Variants in PTP4A1 observed in about 807,000 individuals in gnomAD.
PTP4A1 encodes protein tyrosine phosphatase type IVA 1.
In PTP4A1, 9 loss-of-function variants were observed where a neutral mutation model predicts 20.5. That is an observed-to-expected ratio of 0.44 (90% CI 0.26 to 0.77). PTP4A1 has a LOEUF of 0.77. PTP4A1 is among the 30% of genes least tolerant of loss of function. The pLI is 0.19. For synonymous variants in PTP4A1, 78 were observed against 67.4 expected (o/e 1.16, Z -0.77); for missense variants, 137 against 218.8 (o/e 0.63, Z 2.36).
At position 63,580,140 on chromosome 6, in the gene PTP4A1, C is replaced by T. The variant is rs1778132300; in HGVS notation, c.488C>T (p.Ser163Phe). The stretch of plus-strand genomic sequence containing the variant: ...AAAATGCGGCTGCGTTTCAAAGATT[C>T]CAACGGTCATAGAAACAACTGTTGC... ...RPKMRLRFKD[S>F]NGHRNNCCIQ Residue 163 changes from serine to phenylalanine, a missense_variant, in exon 6 of 6, where the codon TCC (serine) becomes TTC (phenylalanine). Ser to Phe is a radical substitution (Grantham distance 155). Coordinates refer to ENST00000626021, the MANE Select transcript of PTP4A1 (RefSeq NM_003463.5). 3 of 1,612,868 alleles carry T rather than the reference C, an allele frequency of 1.9e-6. No individual in the cohort carries two copies. Among genetic ancestry groups the T allele is most frequent in the Non-Finnish European group, 2.5e-6 (3 of 1,179,244 alleles).
chr6:63,574,674 A>T (rs1215752067), intron 1 of PTP4A1, among the ~76,000 whole-genome samples: 1 of 152,206 alleles, frequency 6.6e-6, no homozygotes, highest in Non-Finnish European at 1.5e-5. Flanking sequence ...GCCTCAAATT[A>T]GCTTTTAATT....
intron 5 of PTP4A1, 41 bp downstream of exon 5, chr6:63,579,372 T>C (rs772657734): frequency 6.8e-7 from 1 of 1,475,090 alleles, no homozygotes; most frequent in South Asian, 1.2e-5. Context: ...TCTCTTTCAT[T>C]TCCTTGTTGA....
At chr6:63,528,707 G>A (rs575443582) in intron 2 of PTP4A1, among the ~76,000 whole-genome samples, 3 of 152,260 alleles carry the variant, frequency 2.0e-5, no homozygotes, top group South Asian at 2.1e-4. Flanking sequence ...AGGCTGCAGT[G>A]AGCCAAGATT....
intron 2 of PTP4A1, among the ~76,000 whole-genome samples, chr6:63,550,041 A>T (rs929826166): frequency 6.6e-6 from 1 of 152,228 alleles, no homozygotes; most frequent in Non-Finnish European, 1.5e-5. Flanking sequence ...ACTATATGTT[A>T]TACGTGTCAT....
chr6:63,575,599 G>A (rs760312929), intron 1 of PTP4A1, among the ~76,000 whole-genome samples: 8 of 152,138 alleles, frequency 5.3e-5, no homozygotes, highest in Admixed American at 1.3e-4. Context: ...CCCTTTGTCC[G>A]CCTTCTCTGA....
intron 2 of PTP4A1, among the ~76,000 whole-genome samples, chr6:63,577,606 G>C (rs1777951841): frequency 6.6e-6 from 1 of 151,964 alleles, no homozygotes; most frequent in Non-Finnish European, 1.5e-5. Flanking sequence ...ACCCAGGCTG[G>C]AGTGCAGTGG....
chr6:63,534,366 C>G (rs182241978), intron 2 of PTP4A1, among the ~76,000 whole-genome samples: 5 of 152,040 alleles, frequency 3.3e-5, no homozygotes, highest in Non-Finnish European at 5.9e-5. Context: ...TCTCTGAGGA[C>G]ATTTGAATAC....
chr6:63,547,126 T>G (rs1776225821), intron 2 of PTP4A1, among the ~76,000 whole-genome samples: 1 of 152,218 alleles, frequency 6.6e-6, no homozygotes, highest in African/African-American at 2.4e-5. Flanking sequence ...TATAATAAGA[T>G]TAATCACTCT....
chr6:63,580,016 G>A (rs1178205213), intron 5 of PTP4A1, 41 bp from the exon 6 acceptor site: 4 of 1,428,882 alleles, frequency 2.8e-6, no homozygotes, highest in Non-Finnish European at 3.9e-6. Flanking sequence ...TACTGTAGGG[G>A]GCTTTTGCCT....
chr6:63,540,167 G>C lies in PTP4A1; in HGVS notation c.-639-10133G>C, dbSNP rs568240144. ...TGAGGATGATGATGGAATCTGGTGT[G>C]CATGGTTGGAGAGTGAATAAACAAA... On this transcript the variant is annotated intron_variant, in intron 2 of 3. Transcript: ENST00000639568. 2.2e-4 allele frequency among the ~76,000 whole-genome samples: 34 copies of C among 152,312 alleles called. 2 individuals are homozygous for C. The South Asian group carries it at 7.0e-3, about 32-fold the overall frequency.
At chr6:63,528,592 A>G (rs751366133) in intron 2 of PTP4A1, among the ~76,000 whole-genome samples, 13 of 151,938 alleles carry the variant, frequency 8.6e-5, no homozygotes, top group Non-Finnish European at 1.8e-4. Flanking sequence ...TTAGCCAGCC[A>G]TGAAAAACTA....
intron 1 of PTP4A1, among the ~76,000 whole-genome samples, chr6:63,526,823 ATATATATATATATT>A (rs1562111463): frequency 7.0e-6 from 1 of 143,474 alleles, no homozygotes; most frequent in African/African-American, 2.6e-5. Flanking sequence ...ATATATATAT[ATATATATATATATT>A]TATTTATTTA....
At chr6:63,551,002 C>T (rs1776415480) in intron 3 of PTP4A1, among the ~76,000 whole-genome samples, 1 of 151,938 alleles carries the variant, frequency 6.6e-6, no homozygotes, top group Non-Finnish European at 1.5e-5. Context: ...TTACCTGGAC[C>T]TCTTAGAAAA....
rs1290207641 is a variant in PTP4A1, at chr6:63,540,162, G to GGTGTGCA, written c.-639-10137_-639-10131dup. On this transcript the variant is annotated intron_variant, in intron 2 of 3. Transcript: ENST00000639568. ...AAGTTTGAGGATGATGATGGAATCT[G>GGTGTGCA]GTGTGCATGGTTGGAGAGTGAATAA... 2.6e-5 allele frequency among the ~76,000 whole-genome samples: 4 copies of GGTGTGCA among 152,142 alleles called. No individual in the cohort carries two copies. In the East Asian group the frequency reaches 7.7e-4, roughly 29 times the overall value.
intron 2 of PTP4A1, among the ~76,000 whole-genome samples, chr6:63,529,193 A>ATATATATATATGTATATATATGTGTG (rs1775341660): frequency 1.4e-5 from 2 of 140,958 alleles, no homozygotes; most frequent in East Asian, 2.1e-4. Context: ...ATATGTGTGT[A>ATATATATATATGTATATATATGTGTG]TATATATATA....
intron 3 of PTP4A1, among the ~76,000 whole-genome samples, chr6:63,555,007 CAT>C (rs559515471): frequency 8.9e-4 from 135 of 152,322 alleles, no homozygotes; most frequent in Admixed American, 7.6e-3. Context: ...TTTCTGATAA[CAT>C]GTGGCTGATA....
upstream of PTP4A1, among the ~76,000 whole-genome samples, chr6:63,569,313 T>C (rs1314824681): frequency 6.6e-6 from 1 of 152,244 alleles, no homozygotes; most frequent in Non-Finnish European, 1.5e-5. Flanking sequence ...TAGAGTGCAG[T>C]GCCATGATCT....
chr6:63,579,921 C>T, intron 5 of PTP4A1, 136 bp from the exon 6 acceptor site: 1 of 665,680 alleles, frequency 1.5e-6, no homozygotes, highest in Non-Finnish European at 2.6e-6. Flanking sequence ...TGTTCATATT[C>T]CTTTCTGCAT....
intron 2 of PTP4A1, among the ~76,000 whole-genome samples, chr6:63,532,977 G>T (rs962151803): frequency 2.0e-5 from 3 of 152,186 alleles, no homozygotes; most frequent in Non-Finnish European, 2.9e-5. Context: ...GGAAGGAGGG[G>T]TTAGTCACAG....
Sources: allele counts gnomAD v4.1 joint callset (sites outside exome capture counted in the v4.1 genomes callset), GRCh38; gene constraint gnomAD v4.1.1; transcripts MANE v1.5; gene names NCBI Gene and HGNC (gene_info 2026-07-23, HGNC 2026-07-21).